Variants in GTF2IRD1 observed in about 807,000 individuals in gnomAD.
GTF2IRD1 encodes general transcription factor II-I repeat domain-containing protein 1.
GTF2IRD1 carries 26 observed loss-of-function variants against 113.2 expected under a neutral mutation model. The observed-to-expected ratio is 0.23, with a 90% CI of 0.17 to 0.32. GTF2IRD1 has a LOEUF of 0.32. Among genes scored for constraint, GTF2IRD1 ranks in the 10% least tolerant of loss-of-function variants. The probability of loss-of-function intolerance (pLI) is 1.00; values close to 1 mark genes in which losing one functional copy is unlikely to be tolerated. For synonymous variants in GTF2IRD1, 484 were observed against 529.1 expected, an observed-to-expected ratio of 0.91 and a Z score of 1.17; for missense variants, 864 against 1,280.8, an observed-to-expected ratio of 0.67 and a Z score of 4.97.
chr7:74,526,078 C>T (rs781939805), intron 8 of GTF2IRD1, among the ~76,000 whole-genome samples: 1 of 152,216 alleles, frequency 6.6e-6, no homozygotes, highest in African/African-American at 2.4e-5. Flanking sequence ...CTGAGTCTCT[C>T]CCCGCCCCAG....
chr7:74,526,724 G>A (rs757319804), intron 8 of GTF2IRD1, among the ~76,000 whole-genome samples: 116 of 152,018 alleles, frequency 7.6e-4, no homozygotes, highest in Non-Finnish European at 1.5e-3. Flanking sequence ...TGAACCAGAC[G>A]GAGACAAATT....
rs141111876 is a variant in GTF2IRD1 at position 74,519,636 on chromosome 7, C to G, written c.833C>G (p.Pro278Arg). ...CTCAAGCAGGAAGCACCTTCCTGCC[C>G]CCTTGCCCCCAGCGACCTGGGCCTG... ...RELKQEAPSC[P>R]LAPSDLGLSR... The change falls in exon 6 of 27, where the codon CCC (proline) becomes CGC (arginine). Residue 278 changes from proline (P) to arginine (R), a missense_variant. By Grantham distance (103) the Pro-to-Arg change is moderately radical. Transcript: ENST00000424337. The G allele has an allele frequency of 1.5e-4, 242 of 1,610,794 alleles. No homozygotes were observed. The highest frequency in any genetic ancestry group is 2.0e-4 in the Non-Finnish European group (234 of 1,178,688).
intron 1 of GTF2IRD1, among the ~76,000 whole-genome samples, chr7:74,482,371 G>C (rs1794793010): frequency 6.6e-6 from 1 of 151,586 alleles, no homozygotes; most frequent in Admixed American, 6.6e-5. Flanking sequence ...GGGACGACAG[G>C]CATGTGCCAC....
At chr7:74,548,615 T>C (rs1554354022) in intron 17 of GTF2IRD1, among the ~76,000 whole-genome samples, 13 of 151,668 alleles carry the variant, frequency 8.6e-5, no homozygotes, top group Non-Finnish European at 1.5e-5. Flanking sequence ...ATAATTTTTT[T>C]TTTTAAACTC....
At chr7:74,535,684 T>G (rs1798251067) in intron 10 of GTF2IRD1, among the ~76,000 whole-genome samples, 1 of 152,130 alleles carries the variant, frequency 6.6e-6, no homozygotes, top group Admixed American at 6.5e-5. Context: ...GCACCCCAGT[T>G]CCGGTCCCGC....
At chr7:74,476,053 G>A (rs191739444) in intron 1 of GTF2IRD1, among the ~76,000 whole-genome samples, 34 of 152,328 alleles carry the variant, frequency 2.2e-4, no homozygotes, top group African/African-American at 7.7e-4. Flanking sequence ...ATAGACACCT[G>A]TACAAAACAG....
intron 22 of GTF2IRD1, among the ~76,000 whole-genome samples, chr7:74,586,790 G>A (rs1466495326): frequency 3.9e-5 from 6 of 152,208 alleles, no homozygotes; most frequent in Non-Finnish European, 5.9e-5. Context: ...AGAGCACCAC[G>A]CCAGGAGATG....
At chr7:74,532,736 C>T (rs1457327542) in intron 9 of GTF2IRD1, among the ~76,000 whole-genome samples, 2 of 152,098 alleles carry the variant, frequency 1.3e-5, no homozygotes, top group Non-Finnish European at 2.9e-5. Context: ...GGGCCTCCAG[C>T]GTGAAAACAG....
intron 9 of GTF2IRD1, among the ~76,000 whole-genome samples, chr7:74,530,950 G>C (rs1441115111): frequency 6.6e-6 from 1 of 151,890 alleles, no homozygotes; most frequent in Non-Finnish European, 1.5e-5. Context: ...GGTACCTGTA[G>C]TCCCAGCTAC....
At chr7:74,568,337 T>TAA (rs782743930) in intron 22 of GTF2IRD1, among the ~76,000 whole-genome samples, 3,421 of 91,898 alleles carry the variant, frequency 0.037, 109 homozygotes, top group Non-Finnish European at 0.045. Flanking sequence ...CATCTCTATT[T>TAA]AAAAAAAAAA....
At chr7:74,523,653 A>G (rs1305802792) in intron 7 of GTF2IRD1, among the ~76,000 whole-genome samples, 1 of 151,536 alleles carries the variant, frequency 6.6e-6, no homozygotes, top group Non-Finnish European at 1.5e-5. Flanking sequence ...CCTGGGAGGC[A>G]GAGGTTGCAG....
chr7:74,546,974 C>A, intron 16 of GTF2IRD1, 129 bp from the exon 17 acceptor site: 1 of 795,452 alleles, frequency 1.3e-6, no homozygotes, highest in Non-Finnish European at 2.0e-6. Context: ...CTTTCCACAT[C>A]CCAGGAAAGC....
At chr7:74,554,370 G>A (rs1799479907) in intron 17 of GTF2IRD1, among the ~76,000 whole-genome samples, 1 of 152,134 alleles carries the variant, frequency 6.6e-6, no homozygotes, top group Non-Finnish European at 1.5e-5. Flanking sequence ...TGTCTGGACA[G>A]GGCTTTCTGG....
intron 22 of GTF2IRD1, among the ~76,000 whole-genome samples, chr7:74,561,649 A>G (rs2267818): frequency 0.12 from 17,955 of 151,898 alleles, 1,581 homozygotes; most frequent in East Asian, 0.36. Flanking sequence ...TGGAAGCTGC[A>G]GCAGCACAGT....
intron 17 of GTF2IRD1, among the ~76,000 whole-genome samples, chr7:74,547,755 C>CTTT (rs587743253): frequency 6.1e-4 from 70 of 114,216 alleles, no homozygotes; most frequent in East Asian, 2.8e-3. Flanking sequence ...TTCTCTCTCT[C>CTTT]TTTTTTTTTT....
At chr7:74,465,943 G>A (rs1554330717) in intron 1 of GTF2IRD1, among the ~76,000 whole-genome samples, 1 of 152,054 alleles carries the variant, frequency 6.6e-6, no homozygotes, top group Admixed American at 6.6e-5. Context: ...CTAATTTTTT[G>A]TATTTTTAGT....
chr7:74,483,170 G>A (rs1187120273), intron 1 of GTF2IRD1, among the ~76,000 whole-genome samples: 2 of 152,136 alleles, frequency 1.3e-5, no homozygotes, highest in East Asian at 1.9e-4. Context: ...GGCCCATCTA[G>A]CTCAGTGCTG....
intron 22 of GTF2IRD1, among the ~76,000 whole-genome samples, chr7:74,564,477 G>A (rs1443059864): frequency 6.6e-6 from 1 of 152,188 alleles, no homozygotes; most frequent in East Asian, 1.9e-4. Flanking sequence ...CAGGCCAGAC[G>A]TGGTGGCTTA....
chr7:74,505,970 A>C (rs1554340960), intron 1 of GTF2IRD1: 1 of 152,208 alleles, frequency 6.6e-6, no homozygotes, highest in Non-Finnish European at 1.5e-5. Context: ...ATTGCAACCC[A>C]GAAGAAGAAA....
Sources: gnomAD v4.1 joint callset for allele counts (sites outside exome capture counted in the v4.1 genomes callset) on GRCh38, gnomAD v4.1.1 for gene constraint, MANE v1.5 for transcripts, NCBI Gene and HGNC (gene_info 2026-07-23, HGNC 2026-07-21) for gene names.